SPOCK1: variants seen among roughly 807,000 people sequenced by gnomAD.
The protein encoded by SPOCK1 is testican-1.
In SPOCK1, 23 loss-of-function variants were observed where a neutral mutation model predicts 55.3. The observed-to-expected ratio is 0.42, with a 90% CI of 0.30 to 0.59. SPOCK1 has a LOEUF of 0.59. Among genes scored for constraint, SPOCK1 ranks in the 20% least tolerant of loss-of-function variants. SPOCK1 has a pLI of 0.22. For synonymous variants in SPOCK1, 226 were observed against 221.0 expected, an observed-to-expected ratio of 1.02 and a Z score of -0.20; for missense variants, 499 against 552.5, an observed-to-expected ratio of 0.90 and a Z score of 0.97.
chr5:137,060,475 G>T (rs1752376636), intron 6 of SPOCK1, among the ~76,000 whole-genome samples: 1 of 152,010 alleles, frequency 6.6e-6, no homozygotes, highest in African/African-American at 2.4e-5. Flanking sequence ...GGAGGGTGAG[G>T]ATCAAAAAAT....
intron 2 of SPOCK1, among the ~76,000 whole-genome samples, chr5:137,297,507 A>G (rs1449825511): frequency 6.6e-6 from 1 of 152,258 alleles, no homozygotes; most frequent in African/African-American, 2.4e-5. Context: ...ATGCCTTTCT[A>G]TAGCAGGCAT....
intron 6 of SPOCK1, among the ~76,000 whole-genome samples, chr5:136,996,232 T>A (rs1410420259): frequency 6.6e-6 from 1 of 152,200 alleles, no homozygotes; most frequent in African/African-American, 2.4e-5. Context: ...AAAAGTAATG[T>A]TCGTGGGGTG....
At chr5:137,490,866 C>G (rs955177004) in intron 2 of SPOCK1, among the ~76,000 whole-genome samples, 1 of 152,134 alleles carries the variant, frequency 6.6e-6, no homozygotes, top group Non-Finnish European at 1.5e-5. Context: ...ACACAGCCTT[C>G]CAGACTGGCA....
intron 6 of SPOCK1, among the ~76,000 whole-genome samples, chr5:137,051,958 A>G (rs74949692): frequency 2.3e-3 from 352 of 152,350 alleles, no homozygotes; most frequent in African/African-American, 6.9e-3. Flanking sequence ...GCATCTAGGT[A>G]GGACCATGCG....
At chr5:137,358,851 A>G (rs1051914210) in intron 2 of SPOCK1, among the ~76,000 whole-genome samples, 5 of 146,050 alleles carry the variant, frequency 3.4e-5, no homozygotes, top group African/African-American at 1.3e-4. Context: ...CTCCTGGACA[A>G]AATTTCAAGA....
chr5:137,019,134 T>G (rs1751511870), intron 6 of SPOCK1, among the ~76,000 whole-genome samples: 2 of 152,200 alleles, frequency 1.3e-5, no homozygotes, highest in Non-Finnish European at 2.9e-5. Context: ...CAGATGTGAA[T>G]GTAAATAATC....
intron 2 of SPOCK1, among the ~76,000 whole-genome samples, chr5:137,424,458 T>C (rs1752565689): frequency 1.3e-5 from 2 of 152,212 alleles, no homozygotes; most frequent in Admixed American, 1.3e-4. Context: ...CATTGATCTA[T>C]AAATATGACC....
chr5:137,170,816 A>G (rs1754741739), intron 3 of SPOCK1, among the ~76,000 whole-genome samples: 1 of 152,216 alleles, frequency 6.6e-6, no homozygotes, highest in South Asian at 2.1e-4. Context: ...GCAGCGCAAG[A>G]TGACTAATGC....
At chr5:137,196,126 T>C (rs1316366604) in intron 3 of SPOCK1, among the ~76,000 whole-genome samples, 1 of 152,140 alleles carries the variant, frequency 6.6e-6, no homozygotes, top group African/African-American at 2.4e-5. Flanking sequence ...TCATAGATCA[T>C]TGCCTCAGGC....
At chr5:137,454,647 A>G (rs1753326084) in intron 2 of SPOCK1, among the ~76,000 whole-genome samples, 1 of 152,172 alleles carries the variant, frequency 6.6e-6, no homozygotes, top group Non-Finnish European at 1.5e-5. Flanking sequence ...TCAAAAATAG[A>G]TATTGATTCC....
At chr5:137,152,766 T>C (rs1204586862) in intron 3 of SPOCK1, among the ~76,000 whole-genome samples, 3 of 152,200 alleles carry the variant, frequency 2.0e-5, no homozygotes, top group African/African-American at 7.2e-5. Context: ...AATATTCTCC[T>C]TATCATCCAA....
intron 2 of SPOCK1, among the ~76,000 whole-genome samples, chr5:137,431,336 A>T (rs573936108): frequency 1.3e-5 from 2 of 152,346 alleles, no homozygotes; most frequent in South Asian, 4.1e-4. Flanking sequence ...GTACCAGCTC[A>T]GTCACCCACT....
intron 2 of SPOCK1, among the ~76,000 whole-genome samples, chr5:137,327,113 G>A (rs1240539100): frequency 3.3e-5 from 5 of 152,178 alleles, no homozygotes; most frequent in African/African-American, 9.7e-5. Context: ...CTGTGGTTAA[G>A]AGCACACACT....
chr5:137,431,974 T>TA (rs1326316028), intron 2 of SPOCK1, among the ~76,000 whole-genome samples: 1 of 152,174 alleles, frequency 6.6e-6, no homozygotes, highest in Non-Finnish European at 1.5e-5. Flanking sequence ...ACTCAAATGA[T>TA]AAACTGCAGC....
chr5:137,021,274 C>T (rs1751559647), intron 6 of SPOCK1, among the ~76,000 whole-genome samples: 1 of 152,072 alleles, frequency 6.6e-6, no homozygotes, highest in African/African-American at 2.4e-5. Flanking sequence ...GTGAAGAATA[C>T]GATATGATTC....
intron 2 of SPOCK1, among the ~76,000 whole-genome samples, chr5:137,497,184 T>C (rs1754316884): frequency 6.6e-6 from 1 of 152,192 alleles, no homozygotes; most frequent in Admixed American, 6.5e-5. Context: ...AGGAAGCTGA[T>C]CCCCATACAT....
chr5:137,055,476 TA>T (rs1752285845), intron 6 of SPOCK1, among the ~76,000 whole-genome samples: 1 of 152,238 alleles, frequency 6.6e-6, no homozygotes, highest in South Asian at 2.1e-4. Flanking sequence ...TTTAACTCAC[TA>T]TGCTTTCCCC....
intron 3 of SPOCK1, among the ~76,000 whole-genome samples, chr5:137,166,392 C>A (rs189905436): frequency 4.0e-5 from 6 of 151,472 alleles, no homozygotes; most frequent in Admixed American, 1.3e-4. Context: ...TCATCAACAC[C>A]AGACCTTTCC....
At chr5:137,176,009 C>T (rs1754844483) in intron 3 of SPOCK1, among the ~76,000 whole-genome samples, 1 of 152,216 alleles carries the variant, frequency 6.6e-6, no homozygotes, top group African/African-American at 2.4e-5. Context: ...CTTATGCTAA[C>T]TCTAATGCTA....
Sources: allele counts gnomAD v4.1 joint callset (sites outside exome capture counted in the v4.1 genomes callset), GRCh38; gene constraint gnomAD v4.1.1; transcripts MANE v1.5; gene names NCBI Gene and HGNC (gene_info 2026-07-23, HGNC 2026-07-21).